The following TVP23A variants were observed in gnomAD, a reference collection of about 807,000 sequenced individuals.
The protein encoded by TVP23A is trans-golgi network vesicle protein 23 homolog A.
In TVP23A, 21 loss-of-function variants were observed where a neutral mutation model predicts 31.7. The observed-to-expected ratio is 0.66, with a 90% CI of 0.47 to 0.95. The LOEUF (loss-of-function observed/expected upper bound fraction) is 0.95, where lower values mean the gene tolerates loss of function less well. Among genes scored for constraint, TVP23A ranks in the 40% least tolerant of loss-of-function variants. The probability of loss-of-function intolerance (pLI) is 0.00; values close to 1 mark genes in which losing one functional copy is unlikely to be tolerated. For synonymous variants in TVP23A, 104 were observed against 96.0 expected (o/e 1.08, Z -0.49); for missense variants, 279 against 255.6 (o/e 1.09, Z -0.62).
At chr16:10,784,984 C>T (rs2032658387) in intron 2 of TVP23A, among the ~76,000 whole-genome samples, 1 of 151,902 alleles carries the variant, frequency 6.6e-6, no homozygotes, top group African/African-American at 2.4e-5. Flanking sequence ...GTAATCCCAG[C>T]TACCTGGGAA....
intron 2 of TVP23A, among the ~76,000 whole-genome samples, chr16:10,802,029 C>A (rs1181583087): frequency 6.6e-6 from 1 of 151,632 alleles, no homozygotes; most frequent in African/African-American, 2.4e-5. Context: ...AAAAAGTGCA[C>A]ATTGAAGTAT....
Position 10,767,939 on chromosome 16 carries a change from C to CTTTTTTA in TVP23A, c.*1156_*1162dup. The CTTTTTTA allele has an allele frequency of 6.2e-7, 1 of 1,613,884 alleles. No individual in the cohort carries two copies. The highest frequency in any genetic ancestry group is 8.5e-7 in the Non-Finnish European group (1 of 1,179,818). On this transcript the variant is annotated 3_prime_UTR_variant, in exon 8 of 8. Coordinates refer to ENST00000299866, the MANE Select transcript of TVP23A (RefSeq NM_001079512.4). This position sits in a 1 kb window ranked among gnomAD's most constrained non-coding sequence, Gnocchi z 4.6. ...GGACTGAATTGTCTTCCGTTTGTTT[C>CTTTTTTA]TTTTTTAAGGTAAGAATTGTGACAA...
Position 10,808,496 on chromosome 16 carries a change from A to G in TVP23A, c.89+9607T>C, listed in dbSNP as rs536098239. ...ACATTCACTAGGCTGAACAAGGACC[A>G]ACCAAGAAATAATAAGCAGGCTGGG... On this transcript the variant is annotated intron_variant, in intron 2 of 7. Transcript: ENST00000299866. 251 of 454,598 alleles carry G rather than the reference A, an allele frequency of 5.5e-4. 2 individuals carry two copies. The highest frequency in any genetic ancestry group is 3.5e-3 in the South Asian group (224 of 64,486). The allele number at this position is 454,598 out of a possible 1,614,324, so 28.2% of individuals were successfully genotyped here.
downstream of TVP23A, chr16:10,761,742 G>C (rs758406967): frequency 2.8e-5 from 45 of 1,601,964 alleles, no homozygotes; most frequent in Non-Finnish European, 3.5e-5. Context: ...CCTCCCCTTT[G>C]AATTTGCCTT....
intron 2 of TVP23A, among the ~76,000 whole-genome samples, chr16:10,807,757 GA>G (rs1052493573): frequency 2.6e-5 from 4 of 152,224 alleles, no homozygotes; most frequent in African/African-American, 7.2e-5. Context: ...GCCTAAGATG[GA>G]AGCCCTGAAT....
rs982392921 is a variant in TVP23A, at chr16:10,774,952, C to A, written c.234G>T (p.Lys78Asn). Reference protein sequence around the residue: ...LLLSLDFWSVKNVTGRLLVGL... With the variant: ...LLLSLDFWSVNNVTGRLLVGL... ...ATGACATCACACGAAAGGGCCTCAC[C>A]TTCACAGACCAGAAGTCCAGGGACA... The change falls in exon 3 of 8, where the codon AAG becomes AAT. Residue 78 changes from lysine to asparagine, a missense_variant and splice_region_variant. By Grantham distance (94) the Lys-to-Asn change is moderately conservative (BLOSUM62 0). Coordinates refer to ENST00000299866, the MANE Select transcript of TVP23A (RefSeq NM_001079512.4). 3 of 1,612,428 alleles carry A rather than the reference C, an allele frequency of 1.9e-6. No individual in the cohort carries two copies. Among genetic ancestry groups the A allele is most frequent in the Non-Finnish European group, 2.5e-6 (3 of 1,179,210 alleles).
chr16:10,817,986 C>T, intron 2 of TVP23A, 117 bp downstream of exon 2: 1 of 877,442 alleles, frequency 1.1e-6, no homozygotes, highest in African/African-American at 1.6e-5. Flanking sequence ...ACAGATATGT[C>T]CCCAGCCCCA....
rs2032278425 is a variant in TVP23A, at chr16:10,779,324, G to C, written c.90-4228C>G. 6.6e-6 allele frequency among the ~76,000 whole-genome samples: 1 copy of C among 152,200 alleles called. No homozygotes were observed. The highest frequency in any genetic ancestry group is 6.5e-5 in the Admixed American group (1 of 15,280). On this transcript the variant is annotated intron_variant, in intron 2 of 7. Coordinates refer to ENST00000299866, the MANE Select transcript of TVP23A (RefSeq NM_001079512.4). This position sits in a 1 kb window ranked among gnomAD's most constrained non-coding sequence, Gnocchi z 4.9. ...TCAGTCCCTATCTGGAGTTTGCCCA[G>C]CCTGTGCCTCTAGCTAATACTGTGT...
At chr16:10,789,665 TAAAAA>T (rs969812242) in intron 2 of TVP23A, among the ~76,000 whole-genome samples, 29 of 55,396 alleles carry the variant, frequency 5.2e-4, no homozygotes, top group African/African-American at 1.7e-3. Context: ...CCATCTCTAC[TAAAAA>T]AAAAAAAAAA....
At chr16:10,814,526 C>T (rs1480997649) in intron 2 of TVP23A, among the ~76,000 whole-genome samples, 1 of 152,074 alleles carries the variant, frequency 6.6e-6, no homozygotes, top group African/African-American at 2.4e-5. Flanking sequence ...GCCTCTGGGC[C>T]CCTTTCCTCT....
intron 2 of TVP23A, among the ~76,000 whole-genome samples, chr16:10,813,082 C>T (rs1465823616): frequency 6.6e-6 from 1 of 152,138 alleles, no homozygotes; most frequent in Non-Finnish European, 1.5e-5. Flanking sequence ...TGACCTGGAA[C>T]CAGGGACAGA....
At chr16:10,817,802 G>A (rs1268182801) in intron 2 of TVP23A, among the ~76,000 whole-genome samples, 2 of 152,194 alleles carry the variant, frequency 1.3e-5, no homozygotes, top group African/African-American at 4.8e-5. Flanking sequence ...CTCCATGGCT[G>A]CACTAAGGCA....
intron 2 of TVP23A, among the ~76,000 whole-genome samples, chr16:10,810,447 T>A (rs1307281387): frequency 2.0e-5 from 3 of 150,766 alleles, no homozygotes; most frequent in Non-Finnish European, 4.4e-5. Flanking sequence ...CTCAGGAGGC[T>A]GAGGCAGGAG....
chr16:10,761,813 C>G, downstream of TVP23A: 1 of 1,614,148 alleles, frequency 6.2e-7, no homozygotes, highest in Non-Finnish European at 8.5e-7. Flanking sequence ...TGTGCCAGGA[C>G]TTGGAGGTCC....
chr16:10,809,952 C>T (rs7205449), intron 2 of TVP23A, among the ~76,000 whole-genome samples: 22,397 of 152,148 alleles, frequency 0.15, 4,796 homozygotes, highest in African/African-American at 0.47. Context: ...AGCAACATTA[C>T]TCATAACAAC....
At chr16:10,802,123 T>TAC (rs900122835) in intron 2 of TVP23A, among the ~76,000 whole-genome samples, 4 of 131,460 alleles carry the variant, frequency 3.0e-5, no homozygotes, top group African/African-American at 3.7e-5. Context: ...CACACACACA[T>TAC]ACACACACAC....
rs192428621 is a variant in TVP23A, at chr16:10,790,510, C to T, written c.90-15414G>A. 5.3e-3 allele frequency among the ~76,000 whole-genome samples: 812 copies of T among 152,196 alleles called. 11 individuals are homozygous for T. Among genetic ancestry groups the T allele is most frequent in the African/African-American group, 0.019 (779 of 41,550 alleles). ...CCGTGTTAGCCAGGATGGTCTTGAT[C>T]TCCTCACCTTGTGATCCGCCCGCCT... is the stretch of plus-strand genomic sequence containing the variant. On this transcript the variant is annotated intron_variant, in intron 2 of 7. Coordinates refer to ENST00000299866, the MANE Select transcript of TVP23A (RefSeq NM_001079512.4).
At chr16:10,758,151 T>A, downstream of TVP23A, 1 of 1,112,242 alleles carries the variant, frequency 9.0e-7, no homozygotes, top group Non-Finnish European at 1.3e-6. Context: ...CGCAGCTGCA[T>A]CTGATGTGGG....
chr16:10,801,762 C>T (rs759861838), intron 2 of TVP23A, among the ~76,000 whole-genome samples: 15 of 152,026 alleles, frequency 9.9e-5, no homozygotes, highest in Non-Finnish European at 1.9e-4. Flanking sequence ...GATTGAATCT[C>T]GAACTGAGAG....
Sources: gnomAD v4.1 joint callset for allele counts (sites outside exome capture counted in the v4.1 genomes callset) on GRCh38, gnomAD v4.1.1 for gene constraint, Gnocchi (gnomAD v3.1) non-coding constraint, MANE v1.5 for transcripts, NCBI Gene and HGNC (gene_info 2026-07-23, HGNC 2026-07-21) for gene names.